MYO18B: variants seen among roughly 807,000 people sequenced by gnomAD.
MYO18B encodes myosin XVIIIB.
In MYO18B, 204 loss-of-function variants were observed where a neutral mutation model predicts 273.0. The ratio of observed to expected loss-of-function variants is 0.75; its 90% CI spans 0.67 to 0.84. The LOEUF (loss-of-function observed/expected upper bound fraction) is 0.84. Among genes scored for constraint, MYO18B ranks in the 40% least tolerant of loss-of-function variants. The pLI, the probability that MYO18B is intolerant of heterozygous loss-of-function variation, is 0.00. For synonymous variants in MYO18B, 1,330 were observed against 1,305.7 expected, an observed-to-expected ratio of 1.02 and a Z score of -0.40; for missense variants, 3,212 against 3,287.6, an observed-to-expected ratio of 0.98 and a Z score of 0.56.
At chr22:25,760,111 A>C (rs554242395) in intron 1 of MYO18B, among the ~76,000 whole-genome samples, 3 of 152,182 alleles carry the variant, frequency 2.0e-5, no homozygotes, top group Non-Finnish European at 4.4e-5. Context: ...TCATGGTGTT[A>C]GAAGTCAGAA....
intron 15 of MYO18B, 116 bp from the exon 16 acceptor site, chr22:25,832,800 AT>A (rs1405540936): frequency 2.3e-6 from 2 of 855,862 alleles, no homozygotes; most frequent in Admixed American, 2.8e-5. Flanking sequence ...TAAAAAAACG[AT>A]TTTTTTAAAG....
intron 39 of MYO18B, among the ~76,000 whole-genome samples, chr22:25,961,220 TAAA>T (rs749508614): frequency 1.4e-4 from 17 of 124,808 alleles, no homozygotes; most frequent in Non-Finnish European, 1.7e-4. Context: ...AGCCTCCATC[TAAA>T]AAAAAAAAAA....
intron 39 of MYO18B, among the ~76,000 whole-genome samples, chr22:25,980,086 G>A (rs2093134213): frequency 6.6e-6 from 1 of 152,132 alleles, no homozygotes; most frequent in South Asian, 2.1e-4. Flanking sequence ...AAACTCCCAG[G>A]TTGTAGTTTT....
At chr22:25,910,161 G>T (rs139698097) in intron 32 of MYO18B, among the ~76,000 whole-genome samples, 1,938 of 152,336 alleles carry the variant, frequency 0.013, 31 homozygotes, top group Middle Eastern at 0.02. Flanking sequence ...AGTTCAGGCT[G>T]CTGTAGCAGA....
intron 10 of MYO18B, among the ~76,000 whole-genome samples, chr22:25,783,297 T>C (rs2087240120): frequency 6.6e-6 from 1 of 152,226 alleles, no homozygotes; most frequent in Non-Finnish European, 1.5e-5. Context: ...TCTCCTCCTG[T>C]AAAATGGGTT....
intron 12 of MYO18B, among the ~76,000 whole-genome samples, chr22:25,817,012 A>G (rs1300466196): frequency 2.0e-5 from 3 of 152,236 alleles, no homozygotes; most frequent in Admixed American, 2.0e-4. Flanking sequence ...TAATAAATGC[A>G]GGAGGCCACA....
rs192639023 is a variant in MYO18B, at chr22:26,027,121, C to T, written c.7147C>T (p.Arg2383Trp). ...DMLLSPTLRP[R>W]RRCLESSVDD... The stretch of plus-strand genomic sequence containing the variant: ...GCTGTTGTCGCCCACACTGCGTCCT[C>T]GGAGGCGGTGTCTGGAGTCCTCTGT... Residue 2383 changes from arginine to tryptophan, a missense_variant, in exon 43 of 44, where the codon CGG becomes TGG. By Grantham distance (101) the Arg-to-Trp change is moderately radical. Coordinates refer to ENST00000335473, the MANE Select transcript of MYO18B (RefSeq NM_032608.7). The surrounding 1 kb of genome is among the most constrained non-coding windows in gnomAD (Gnocchi z 4.1). 4.5e-3 allele frequency: 7,283 copies of T among 1,613,988 alleles called. 26 individuals are homozygous for T. Among genetic ancestry groups the T allele is most frequent in the Non-Finnish European group, 5.6e-3 (6,607 of 1,179,878 alleles).
intron 12 of MYO18B, among the ~76,000 whole-genome samples, chr22:25,818,863 G>A (rs1052383940): frequency 6.6e-6 from 1 of 152,134 alleles, no homozygotes. Flanking sequence ...ATGAAGAGGT[G>A]TTGGGGGTTT....
At chr22:25,779,466 G>C (rs2087048016) in intron 8 of MYO18B, among the ~76,000 whole-genome samples, 1 of 152,182 alleles carries the variant, frequency 6.6e-6, no homozygotes, top group South Asian at 2.1e-4. Flanking sequence ...CCAGTGTTTT[G>C]CTGAACACCT....
In MYO18B at chr22:25,763,133, C is replaced by T. The variant is rs534343624; in HGVS notation, c.40-98C>T. ...ACATGGGCTTGGTCATGTATGTCTC[C>T]TCCGCCCCCTCCCAGGCTCCATCAC... On this transcript the variant is annotated intron_variant, in intron 2 of 43. Coordinates refer to ENST00000335473, the MANE Select transcript of MYO18B (RefSeq NM_032608.7). 7.2e-4 allele frequency: 1,038 copies of T among 1,440,224 alleles called. 5 individuals are homozygous for T. Among genetic ancestry groups the T allele is most frequent in the Middle Eastern group, 2.4e-3 (14 of 5,732 alleles). 89.2% of individuals were successfully genotyped at this position (1,440,224 alleles called of 1,614,324 possible). A position where few individuals can be genotyped will look rare whatever the true frequency, so the allele number is the denominator to read the frequency against.
At chr22:25,916,262 T>C (rs1185797998) in intron 33 of MYO18B, among the ~76,000 whole-genome samples, 1 of 152,204 alleles carries the variant, frequency 6.6e-6, no homozygotes, top group African/African-American at 2.4e-5. Context: ...GAGTTTTGTC[T>C]GTAATCCCTT....
intron 34 of MYO18B, among the ~76,000 whole-genome samples, chr22:25,932,702 G>A (rs930101126): frequency 1.3e-5 from 2 of 152,082 alleles, no homozygotes; most frequent in African/African-American, 4.8e-5. Context: ...GAGCCACTGC[G>A]CCCTGCCTAA....
chr22:25,818,906 A>G (rs1045821614), intron 12 of MYO18B, among the ~76,000 whole-genome samples: 5 of 152,138 alleles, frequency 3.3e-5, no homozygotes, highest in Non-Finnish European at 7.4e-5. Flanking sequence ...ACTGAGTCTC[A>G]AAAAGGCCGT....
chr22:26,034,495 A>C (rs1195807227), downstream of MYO18B, among the ~76,000 whole-genome samples: 1 of 152,198 alleles, frequency 6.6e-6, no homozygotes, highest in Non-Finnish European at 1.5e-5. Context: ...CAGCCCATTG[A>C]TTGGCAGATA....
At chr22:25,855,047 A>C (rs1296142106) in intron 21 of MYO18B, among the ~76,000 whole-genome samples, 1 of 152,082 alleles carries the variant, frequency 6.6e-6, no homozygotes, top group African/African-American at 2.4e-5. Flanking sequence ...CCCAGGTATT[A>C]AGCCTAGTAC....
At chr22:25,874,856 C>T (rs985385347) in intron 23 of MYO18B, among the ~76,000 whole-genome samples, 19 of 152,222 alleles carry the variant, frequency 1.2e-4, no homozygotes, top group African/African-American at 4.6e-4. Flanking sequence ...GAGAAAACCA[C>T]GTGGCTCTGG....
chr22:25,866,921 A>G (rs982903940), intron 21 of MYO18B, among the ~76,000 whole-genome samples: 1 of 151,814 alleles, frequency 6.6e-6, no homozygotes. Context: ...TGTGGGAGTG[A>G]GGCAGTCACC....
chr22:26,002,744 G>A (rs1934075423), intron 40 of MYO18B, among the ~76,000 whole-genome samples: 1 of 152,006 alleles, frequency 6.6e-6, no homozygotes, highest in African/African-American at 2.4e-5. Flanking sequence ...GGAGACACAT[G>A]GGGTAGGTAG....
At chr22:25,824,311 C>T (rs2089405602) in intron 13 of MYO18B, among the ~76,000 whole-genome samples, 2 of 151,776 alleles carry the variant, frequency 1.3e-5, no homozygotes, top group African/African-American at 4.9e-5. Context: ...GGAGACGGGG[C>T]GAGGTGGACA....
Sources: allele counts gnomAD v4.1 joint callset (sites outside exome capture counted in the v4.1 genomes callset), GRCh38; gene constraint gnomAD v4.1.1; non-coding constraint Gnocchi (gnomAD v3.1); transcripts MANE v1.5; gene names NCBI Gene and HGNC (gene_info 2026-07-23, HGNC 2026-07-21).